EVC: variants seen among roughly 807,000 people sequenced by gnomAD.
EVC encodes evC complex member EVC.
A neutral mutation model predicts 118.9 loss-of-function variants in EVC; 116 were observed. The observed-to-expected ratio is 0.98, with a 90% CI of 0.84 to 1.14. The LOEUF (loss-of-function observed/expected upper bound fraction) is 1.14, where lower values mean the gene tolerates loss of function less well. EVC is among the 50% of genes most tolerant of loss of function. The pLI is 0.00. For synonymous variants in EVC, 619 were observed against 534.7 expected, an observed-to-expected ratio of 1.16 and a Z score of -2.18; for missense variants, 1,401 against 1,246.4, an observed-to-expected ratio of 1.12 and a Z score of -1.87.
At chr4:5,800,492 A>G (rs1383645207) in intron 15 of EVC, among the ~76,000 whole-genome samples, 1 of 152,158 alleles carries the variant, frequency 6.6e-6, no homozygotes. Flanking sequence ...CCAGAAAAAA[A>G]CTGAGGAGGA....
chr4:5,770,022 G>C (rs907166209), intron 11 of EVC, among the ~76,000 whole-genome samples: 3 of 152,082 alleles, frequency 2.0e-5, no homozygotes, highest in Admixed American at 1.3e-4. Context: ...GATAATGGAA[G>C]GCTACAGACT....
intron 1 of EVC, among the ~76,000 whole-genome samples, chr4:5,718,293 T>G (rs956637421): frequency 2.6e-5 from 4 of 151,844 alleles, no homozygotes; most frequent in Admixed American, 6.6e-5. Context: ...TTATGTATGT[T>G]TCTGTTTAAA....
At chr4:5,723,252 C>G (rs1193548940) in intron 2 of EVC, among the ~76,000 whole-genome samples, 5 of 149,066 alleles carry the variant, frequency 3.4e-5, no homozygotes, top group Non-Finnish European at 7.4e-5. Context: ...TGCAGTGGTG[C>G]GATCTCGGCT....
intron 11 of EVC, among the ~76,000 whole-genome samples, chr4:5,768,916 A>G (rs17747257): frequency 0.32 from 48,354 of 151,914 alleles, 7,918 homozygotes; most frequent in South Asian, 0.4. Context: ...TGTGCACAGA[A>G]CAGGCTCTCA....
chr4:5,753,118 T>C, intron 9 of EVC, 66 bp downstream of exon 9: 1 of 1,436,076 alleles, frequency 7.0e-7, no homozygotes, highest in Admixed American at 2.0e-5. Context: ...GGCTGTGCAG[T>C]GAGAGGGCTG....
chr4:5,728,288 C>G (rs1186282787), intron 2 of EVC, among the ~76,000 whole-genome samples: 1 of 152,064 alleles, frequency 6.6e-6, no homozygotes, highest in Non-Finnish European at 1.5e-5. Context: ...AAGTCCTTCA[C>G]ATCCCTTGTA....
chr4:5,823,392 A>G, the EVC span, among the ~76,000 whole-genome samples: 1 of 152,248 alleles, frequency 6.6e-6, no homozygotes, highest in Admixed American at 6.5e-5. Context: ...TTTTCCTTAC[A>G]ACCATCTGTA....
At chr4:5,736,280 T>TACACAC (rs10556213) in intron 5 of EVC, among the ~76,000 whole-genome samples, 3 of 149,520 alleles carry the variant, frequency 2.0e-5, no homozygotes, top group African/African-American at 4.9e-5. Flanking sequence ...TGCATAGAAC[T>TACACAC]ACACACACAC....
chr4:5,771,224 T>G (rs535110827), intron 11 of EVC, among the ~76,000 whole-genome samples: 10 of 152,234 alleles, frequency 6.6e-5, no homozygotes, highest in Non-Finnish European at 1.3e-4. Flanking sequence ...CAGGGCTGAC[T>G]CCTCCTGGAG....
rs572492722 is a variant in EVC at position 5,743,957 on chromosome 4, A to G, written c.802-1247A>G. 1.4e-5 allele frequency among the ~76,000 whole-genome samples: 2 copies of G among 139,042 alleles called. No homozygotes were observed. The highest frequency in any genetic ancestry group is 4.4e-4 in the South Asian group (2 of 4,556). The allele number at this position is 139,042 out of a possible 152,430, so 91.2% of individuals were successfully genotyped here. A position where few individuals can be genotyped will look rare whatever the true frequency, so the allele number is the denominator to read the frequency against. ...AACAATACTGTCTGTTATAATAGAA[A>G]GAATAAGAGCCTTGGAGTCTGCAGA... is the stretch of plus-strand genomic sequence containing the variant. On this transcript the variant is annotated intron_variant, in intron 6 of 20. Coordinates refer to ENST00000264956, the MANE Select transcript of EVC (RefSeq NM_153717.3). The surrounding 1 kb of genome is among the most constrained non-coding windows in gnomAD (Gnocchi z 4.7).
At chr4:5,786,866 C>T (rs192765509) in intron 12 of EVC, among the ~76,000 whole-genome samples, 39 of 127,410 alleles carry the variant, frequency 3.1e-4, no homozygotes, top group East Asian at 1.6e-3. Context: ...AGCGAGACTC[C>T]GTCTCAAAAA....
At chr4:5,725,756 T>C (rs1048962734) in intron 2 of EVC, among the ~76,000 whole-genome samples, 6 of 152,236 alleles carry the variant, frequency 3.9e-5, no homozygotes, top group Non-Finnish European at 8.8e-5. Flanking sequence ...TTGTTGCGGT[T>C]GTTTTTGGCA....
intron 7 of EVC, 66 bp downstream of exon 7, chr4:5,745,407 TAGAG>T: frequency 6.6e-7 from 1 of 1,524,122 alleles, no homozygotes; most frequent in Admixed American, 1.7e-5. Context: ...TTGGCTACAT[TAGAG>T]AGATGATAGT....
At chr4:5,825,122 A>G in the EVC span, 2 of 985,438 alleles carry the variant, frequency 2.0e-6, no homozygotes, top group Non-Finnish European at 1.2e-6. The surrounding 1 kb of genome is among the most constrained non-coding windows in gnomAD (Gnocchi z 4.4). Context: ...CACAGAGCAC[A>G]TGCCCTGCAA....
chr4:5,740,806 T>C (rs1018196519), intron 5 of EVC, among the ~76,000 whole-genome samples: 2 of 152,080 alleles, frequency 1.3e-5, no homozygotes, highest in African/African-American at 4.8e-5. Context: ...CCAAAAAGGA[T>C]ATATAGATGG....
At position 5,813,717 on chromosome 4, in the gene EVC, G is replaced by A. The variant is rs3733187; in HGVS notation, c.*2680G>A. 0.12 allele frequency: 18,068 copies of A among 152,118 alleles called. 1,254 individuals carry two copies. The highest frequency in any genetic ancestry group is 0.15 in the Non-Finnish European group (10,509 of 67,992). 9.4% of individuals were successfully genotyped at this position (152,118 alleles called of 1,614,324 possible). ...TGAGAAGGCTCCCGGCTGCCTCCCC[G>A]CCACCGAGCTTGTAGCCTGAATGCC... On this transcript the variant is annotated 3_prime_UTR_variant, in exon 21 of 21. Coordinates refer to ENST00000264956, the MANE Select transcript of EVC (RefSeq NM_153717.3).
chr4:5,824,178 G>T, the EVC span: 5 of 383,240 alleles, frequency 1.3e-5, no homozygotes, highest in Non-Finnish European at 1.8e-5. Context: ...CATAACTCCA[G>T]AACAGTGGTC....
intron 14 of EVC, among the ~76,000 whole-genome samples, chr4:5,797,620 A>G (rs1475919558): frequency 6.6e-6 from 1 of 152,164 alleles, no homozygotes; most frequent in Non-Finnish European, 1.5e-5. Flanking sequence ...CTTGACCTTA[A>G]TCACCTCCTC....
chr4:5,824,564 G>A, the EVC span: 14 of 976,734 alleles, frequency 1.4e-5, no homozygotes, highest in Admixed American at 1.8e-4. Flanking sequence ...ATTAGCAAAC[G>A]GGTCCATTGA....
Sources: gnomAD v4.1 joint callset for allele counts (sites outside exome capture counted in the v4.1 genomes callset) on GRCh38, gnomAD v4.1.1 for gene constraint, Gnocchi (gnomAD v3.1) non-coding constraint, MANE v1.5 for transcripts, NCBI Gene and HGNC (gene_info 2026-07-23, HGNC 2026-07-21) for gene names.